The following CA10 variants were observed in gnomAD, a reference collection of about 807,000 sequenced individuals.
The protein encoded by CA10 is carbonic anhydrase-related protein 10.
CA10 carries 14 observed loss-of-function variants against 44.2 expected under a neutral mutation model. The observed-to-expected ratio is 0.32, with a 90% CI of 0.21 to 0.50. The LOEUF is 0.50. Ranked by LOEUF, CA10 falls within the 20% of genes least tolerant of loss-of-function variation. The pLI, the probability that CA10 is intolerant of heterozygous loss-of-function variation, is 0.99. For missense variants in CA10, 350 were observed against 409.7 expected (o/e 0.85, Z 1.26); for synonymous variants, 159 against 141.6 (o/e 1.12, Z -0.87).
chr17:51,765,385 C>T (rs555912561), intron 3 of CA10, among the ~76,000 whole-genome samples: 1 of 152,210 alleles, frequency 6.6e-6, no homozygotes, highest in South Asian at 2.1e-4. Flanking sequence ...CAAAATGATG[C>T]AATTCAATAC....
chr17:52,050,031 T>C lies in CA10; in HGVS notation c.136+22288A>G, dbSNP rs538158739. ...CATAGCCTAGGTGTACAGTAGGCAATGTCACATAGGTTTGTGTAAGTGCAC... is the reference window on the plus strand; with the variant it reads ...CATAGCCTAGGTGTACAGTAGGCAACGTCACATAGGTTTGTGTAAGTGCAC... On this transcript the variant is annotated intron_variant, in intron 2 of 8. Transcript: ENST00000451037. Among the ~76,000 whole-genome samples the C allele has an allele frequency of 9.2e-5, 14 of 152,174 alleles. No homozygotes were observed. In the South Asian group the frequency reaches 2.7e-3, roughly 29 times the overall value.
intron 1 of CA10, among the ~76,000 whole-genome samples, chr17:52,110,169 A>G (rs961228508): frequency 6.6e-6 from 1 of 152,214 alleles, no homozygotes; most frequent in Non-Finnish European, 1.5e-5. Context: ...TTCCAACTGA[A>G]TGCTAGCTCT....
At chr17:52,063,218 T>C (rs1299584640) in intron 2 of CA10, among the ~76,000 whole-genome samples, 1 of 152,220 alleles carries the variant, frequency 6.6e-6, no homozygotes, top group Non-Finnish European at 1.5e-5. Context: ...ACATTGCATA[T>C]TATAAGTAGA....
chr17:52,035,399 T>C (rs1986588022), intron 2 of CA10, among the ~76,000 whole-genome samples: 1 of 152,192 alleles, frequency 6.6e-6, no homozygotes, highest in African/African-American at 2.4e-5. Flanking sequence ...CCCACTTTCA[T>C]TGGCAATAAA....
At chr17:51,976,272 A>G (rs1984459145) in intron 2 of CA10, among the ~76,000 whole-genome samples, 1 of 152,212 alleles carries the variant, frequency 6.6e-6, no homozygotes, top group Non-Finnish European at 1.5e-5. Context: ...TGTAAGATAT[A>G]GCAGTTTTGA....
chr17:52,049,851 G>C (rs28647842), intron 2 of CA10, among the ~76,000 whole-genome samples: 77,828 of 151,944 alleles, frequency 0.51, 20,671 homozygotes, highest in African/African-American at 0.62. Context: ...AATCCTATAA[G>C]ATTATACTGG....
At chr17:52,005,794 A>G (rs1450895460) in intron 2 of CA10, among the ~76,000 whole-genome samples, 1 of 151,910 alleles carries the variant, frequency 6.6e-6, no homozygotes, top group African/African-American at 2.4e-5. Flanking sequence ...ACTTATAATA[A>G]TTAGTCATAT....
In CA10 at chr17:52,037,307, AAAG is replaced by A. The variant is rs757189024; in HGVS notation, c.136+35009_136+35011del. The stretch of plus-strand genomic sequence containing the variant: ...CATTGAGAAGTAGAAAAGAAGTAGA[AAAG>A]AAGAATCATGAGACAGCATCCAAGT... On this transcript the variant is annotated intron_variant, in intron 2 of 8. Coordinates refer to ENST00000451037, the MANE Select transcript of CA10 (RefSeq NM_020178.5). Among the ~76,000 whole-genome samples the A allele has an allele frequency of 4.6e-5, 7 of 152,234 alleles. No homozygotes were observed. In the East Asian group the frequency reaches 7.7e-4, roughly 17 times the overall value.
chr17:51,865,642 G>A (rs1028764415), intron 3 of CA10, among the ~76,000 whole-genome samples: 1 of 152,172 alleles, frequency 6.6e-6, no homozygotes, highest in African/African-American at 2.4e-5. Context: ...GTATCCCTGT[G>A]AGATAGAAGT....
At chr17:51,659,056 G>C (rs1267174597) in intron 4 of CA10, among the ~76,000 whole-genome samples, 2 of 152,166 alleles carry the variant, frequency 1.3e-5, no homozygotes, top group Non-Finnish European at 2.9e-5. Flanking sequence ...GGGATGCCCA[G>C]ACAGCAGGAA....
intron 2 of CA10, among the ~76,000 whole-genome samples, chr17:52,014,453 T>C (rs1017836030): frequency 6.6e-6 from 1 of 151,976 alleles, no homozygotes; most frequent in African/African-American, 2.4e-5. Context: ...CTACTTCATA[T>C]TAATACAATT....
rs144137413 is a variant in CA10, at chr17:52,085,624, G to A, written c.62-13231C>T. ...TCCAAAACTCATCCTATCTCCTTTG[G>A]GCATCTTTTCTCTGTGCTCTCATGG... On this transcript the variant is annotated intron_variant, in intron 1 of 8. Transcript: ENST00000451037. Among the ~76,000 whole-genome samples, 262 of 152,090 alleles carry A rather than the reference G, an allele frequency of 1.7e-3. 2 individuals are homozygous for A. Among genetic ancestry groups the A allele is most frequent in the Admixed American group, 0.015 (225 of 15,274 alleles).
intron 3 of CA10, among the ~76,000 whole-genome samples, chr17:51,876,335 T>A (rs1234065433): frequency 6.7e-6 from 1 of 149,706 alleles, no homozygotes; most frequent in Non-Finnish European, 1.5e-5. Flanking sequence ...CCCAGCTACT[T>A]TTTTTTCATC....
intron 4 of CA10, among the ~76,000 whole-genome samples, chr17:51,745,436 C>T (rs1312842728): frequency 6.6e-6 from 1 of 152,198 alleles, no homozygotes; most frequent in Non-Finnish European, 1.5e-5. Context: ...GCTTTCTTCA[C>T]TGGGAACACA....
chr17:51,962,386 A>C (rs1425139231), intron 2 of CA10, among the ~76,000 whole-genome samples: 1 of 152,226 alleles, frequency 6.6e-6, no homozygotes, highest in Non-Finnish European at 1.5e-5. Context: ...GGACCTGTAC[A>C]TGGGCCTGCC....
intron 3 of CA10, among the ~76,000 whole-genome samples, chr17:51,910,253 A>T (rs1981735182): frequency 6.6e-6 from 1 of 152,122 alleles, no homozygotes; most frequent in African/African-American, 2.4e-5. Context: ...CTCTTTCAGA[A>T]AACTTAATCT....
At chr17:51,765,358 T>A (rs535813559) in intron 3 of CA10, among the ~76,000 whole-genome samples, 1 of 152,292 alleles carries the variant, frequency 6.6e-6, no homozygotes, top group South Asian at 2.1e-4. Flanking sequence ...GAGCCCAATA[T>A]GTCAATTTCT....
intron 4 of CA10, among the ~76,000 whole-genome samples, chr17:51,738,726 G>A (rs1480696240): frequency 1.3e-5 from 2 of 152,138 alleles, no homozygotes; most frequent in Non-Finnish European, 2.9e-5. Flanking sequence ...ATGCCCTTGC[G>A]ATGGGGCTGT....
At chr17:51,848,570 G>A (rs866740903) in intron 3 of CA10, among the ~76,000 whole-genome samples, 7 of 152,296 alleles carry the variant, frequency 4.6e-5, no homozygotes, top group East Asian at 1.9e-4. Flanking sequence ...TAGGGCTGTC[G>A]TGAATGCATC....
Sources: gnomAD v4.1 joint callset for allele counts (sites outside exome capture counted in the v4.1 genomes callset) on GRCh38, gnomAD v4.1.1 for gene constraint, MANE v1.5 for transcripts, NCBI Gene and HGNC (gene_info 2026-07-23, HGNC 2026-07-21) for gene names.